The following PAPPA2 variants were observed in gnomAD, a reference collection of about 807,000 sequenced individuals.
PAPPA2 encodes the protein pappalysin 2, also known as pappalysin-2.
In PAPPA2, 86 loss-of-function variants were observed where a neutral mutation model predicts 176.4. That is an observed-to-expected ratio of 0.49 (90% CI 0.41 to 0.58). The LOEUF (loss-of-function observed/expected upper bound fraction) is 0.58. Among genes scored for constraint, PAPPA2 ranks in the 20% least tolerant of loss-of-function variants. The pLI, the probability that PAPPA2 is intolerant of heterozygous loss-of-function variation, is 0.00. For synonymous variants in PAPPA2, 809 were observed against 852.2 expected, an observed-to-expected ratio of 0.95 and a Z score of 0.88; for missense variants, 2,073 against 2,256.9, an observed-to-expected ratio of 0.92 and a Z score of 1.65.
At chr1:176,817,024 A>T (rs1263385635) in intron 21 of PAPPA2, among the ~76,000 whole-genome samples, 1 of 152,200 alleles carries the variant, frequency 6.6e-6, no homozygotes, top group Non-Finnish European at 1.5e-5. Flanking sequence ...TAATCAATAG[A>T]AAGCACAGAC....
chr1:176,595,620 C>T, intron 3 of PAPPA2, 25 bp downstream of exon 3: 1 of 1,580,948 alleles, frequency 6.3e-7, no homozygotes, highest in Non-Finnish European at 8.6e-7. Context: ...TTTGGGGTGT[C>T]CTACTTGTAG....
At chr1:176,465,986 G>A (rs886308524) in intron 1 of PAPPA2, among the ~76,000 whole-genome samples, 19 of 151,896 alleles carry the variant, frequency 1.3e-4, no homozygotes, top group South Asian at 4.2e-4. Context: ...CTTTTTCTTA[G>A]TTATCTATAA....
chr1:176,703,680 A>G (rs1226620921), intron 9 of PAPPA2, among the ~76,000 whole-genome samples: 2 of 152,210 alleles, frequency 1.3e-5, no homozygotes, highest in Admixed American at 6.5e-5. Flanking sequence ...GTCACTCAAC[A>G]TTGTTTATCT....
chr1:176,465,554 C>A (rs566942745), intron 1 of PAPPA2, among the ~76,000 whole-genome samples: 2 of 152,102 alleles, frequency 1.3e-5, no homozygotes, highest in African/African-American at 4.8e-5. Flanking sequence ...AAATTTAATT[C>A]ATACTTCAAT....
At chr1:176,805,406 T>C (rs1489427091) in intron 21 of PAPPA2, among the ~76,000 whole-genome samples, 1 of 152,182 alleles carries the variant, frequency 6.6e-6, no homozygotes, top group African/African-American at 2.4e-5. Flanking sequence ...TCTTCAACTC[T>C]TTGTTGATAG....
At chr1:176,815,042 CAT>C (rs1666319198) in intron 21 of PAPPA2, among the ~76,000 whole-genome samples, 1 of 152,092 alleles carries the variant, frequency 6.6e-6, no homozygotes, top group South Asian at 2.1e-4. Context: ...TTGAGATAAT[CAT>C]GTGGTTTTTG....
In PAPPA2 at chr1:176,840,168, T is replaced by A; in HGVS notation, c.5203-5T>A. ...CTGAGATGTTGCCTTCTAACCTCCC[T>A]ACAGCCCTTCCAAGCAGATGGTTGG... On this transcript the variant is annotated splice_polypyrimidine_tract_variant and splice_region_variant and intron_variant, in intron 21 of 22. Coordinates refer to ENST00000367662, the MANE Select transcript of PAPPA2 (RefSeq NM_020318.3). 1 of 1,611,672 alleles carries A rather than the reference T, an allele frequency of 6.2e-7. No homozygotes were observed. The highest frequency in any genetic ancestry group is 1.1e-5 in the South Asian group (1 of 90,966).
intron 7 of PAPPA2, among the ~76,000 whole-genome samples, chr1:176,696,968 A>G (rs1660416164): frequency 6.6e-6 from 1 of 152,194 alleles, no homozygotes; most frequent in South Asian, 2.1e-4. Flanking sequence ...TTTTCAGGGA[A>G]GAATGGAAAG....
chr1:176,800,968 G>A (rs1011140241), intron 21 of PAPPA2, among the ~76,000 whole-genome samples: 13 of 152,110 alleles, frequency 8.5e-5, no homozygotes, highest in Admixed American at 5.9e-4. Flanking sequence ...TAGATTAACT[G>A]AAGTTAATTT....
chr1:176,706,316 T>G (rs781039848), intron 9 of PAPPA2, 43 bp from the exon 10 acceptor site: 1 of 1,532,794 alleles, frequency 6.5e-7, no homozygotes, highest in Non-Finnish European at 9.0e-7. Flanking sequence ...ACAAGAAAAT[T>G]TGTGTGTATG....
At chr1:176,535,095 G>C (rs1417341604) in intron 1 of PAPPA2, among the ~76,000 whole-genome samples, 2 of 152,034 alleles carry the variant, frequency 1.3e-5, no homozygotes, top group Non-Finnish European at 2.9e-5. Context: ...CTTCCTACAG[G>C]GTGGAGAAAA....
At chr1:176,753,432 T>C (rs1663273408) in intron 14 of PAPPA2, among the ~76,000 whole-genome samples, 1 of 152,158 alleles carries the variant, frequency 6.6e-6, no homozygotes, top group Non-Finnish European at 1.5e-5. Context: ...CCAACTCTTT[T>C]CCCTCCTCTT....
chr1:176,695,753 G>A lies in PAPPA2; in HGVS notation c.2640G>A (p.Leu880=). ...GVVYDRASGS[L]CGACTEDGTF... ...ATCTCCCCAGGGCCTCAGGCAGCTT[G>A]TGTGGCGCTTGCACTGAAGATGGGA... Residue 880 remains leucine (L), a synonymous_variant, in exon 7 of 23, where the codon TTG becomes TTA. Coordinates refer to ENST00000367662, the MANE Select transcript of PAPPA2 (RefSeq NM_020318.3). 6.2e-7 allele frequency: 1 copy of A among 1,614,066 alleles called. No individual in the cohort carries two copies. Among genetic ancestry groups the A allele is most frequent in the Non-Finnish European group, 8.5e-7 (1 of 1,179,980 alleles).
At chr1:176,793,840 C>T (rs1354059993) in intron 20 of PAPPA2, among the ~76,000 whole-genome samples, 171 bp downstream of exon 20, 6 of 152,108 alleles carry the variant, frequency 3.9e-5, no homozygotes, top group Non-Finnish European at 8.8e-5. Context: ...AAGAGGGAAG[C>T]TTGAAAACAA....
At chr1:176,765,379 C>A (rs530081575) in intron 14 of PAPPA2, among the ~76,000 whole-genome samples, 1 of 152,300 alleles carries the variant, frequency 6.6e-6, no homozygotes, top group Admixed American at 6.5e-5. Context: ...CTGAGCCACA[C>A]AGAACTCTCA....
chr1:176,596,297 A>G (rs763174943), intron 3 of PAPPA2, among the ~76,000 whole-genome samples: 12 of 152,154 alleles, frequency 7.9e-5, no homozygotes, highest in Non-Finnish European at 1.6e-4. Context: ...TCTTAATGCA[A>G]TCTGGCCTCT....
intron 12 of PAPPA2, among the ~76,000 whole-genome samples, chr1:176,718,954 T>G (rs2102846463): frequency 6.6e-6 from 1 of 152,162 alleles, no homozygotes. Flanking sequence ...TATATATTGG[T>G]TTTTCCCAAT....
At chr1:176,656,179 C>G (rs777189319) in intron 3 of PAPPA2, among the ~76,000 whole-genome samples, 3 of 151,726 alleles carry the variant, frequency 2.0e-5, no homozygotes, top group Admixed American at 6.6e-5. Context: ...TCAATAGTAG[C>G]TGACTATATT....
chr1:176,706,333 A>G (rs775533137), intron 9 of PAPPA2, 26 bp from the exon 10 acceptor site: 9 of 1,575,760 alleles, frequency 5.7e-6, no homozygotes, highest in South Asian at 3.3e-5. Flanking sequence ...TATGTGTTAT[A>G]TATGCATATA....
Sources: allele counts gnomAD v4.1 joint callset (sites outside exome capture counted in the v4.1 genomes callset), GRCh38; gene constraint gnomAD v4.1.1; transcripts MANE v1.5; gene names NCBI Gene and HGNC (gene_info 2026-07-23, HGNC 2026-07-21).